LIMS1: variants seen among roughly 807,000 people sequenced by gnomAD.
The protein encoded by LIMS1 is LIM and senescent cell antigen-like-containing domain protein 1.
Under a neutral mutation model 44.1 loss-of-function variants are expected in LIMS1, and 18 were observed. The observed-to-expected ratio is 0.41, with a 90% CI of 0.28 to 0.61. The LOEUF is 0.61. LIMS1 is among the 20% of genes least tolerant of loss of function. LIMS1 has a pLI of 0.32. For missense variants in LIMS1, 201 were observed against 422.0 expected (o/e 0.48, Z 4.59); for synonymous variants, 93 against 149.1 (o/e 0.62, Z 2.74).
chr2:108,610,437 TTTTTC>T (rs1393763426), intron 1 of LIMS1, among the ~76,000 whole-genome samples: 4 of 152,136 alleles, frequency 2.6e-5, no homozygotes, highest in East Asian at 1.9e-4. Flanking sequence ...CACATATTCT[TTTTTC>T]TTTTCTTTTC....
chr2:108,585,150 C>CAAAAAA (rs35679577), intron 1 of LIMS1, among the ~76,000 whole-genome samples: 1 of 69,360 alleles, frequency 1.4e-5, no homozygotes, highest in Non-Finnish European at 2.7e-5. Context: ...GACTCCGTCT[C>CAAAAAA]AAAAAAAAAA....
At chr2:108,621,327 T>C in intron 1 of LIMS1, 3 of 1,549,804 alleles carry the variant, frequency 1.9e-6, no homozygotes, top group Non-Finnish European at 2.6e-6. Context: ...TGCTTTAAAG[T>C]GTCAGCAATT....
intron 1 of LIMS1, among the ~76,000 whole-genome samples, chr2:108,652,577 G>A: frequency 6.6e-6 from 1 of 152,252 alleles, no homozygotes. Context: ...TGAAAGAGAA[G>A]TCTGTGGTGA....
At chr2:108,542,866 G>T (rs577516172) in intron 1 of LIMS1, among the ~76,000 whole-genome samples, 14 of 152,344 alleles carry the variant, frequency 9.2e-5, no homozygotes, top group African/African-American at 3.4e-4. Context: ...CATTGGGTAA[G>T]ATTCAGTTCT....
chr2:108,639,921 A>T (rs895109899), intron 1 of LIMS1, among the ~76,000 whole-genome samples: 1 of 152,270 alleles, frequency 6.6e-6, no homozygotes, highest in African/African-American at 2.4e-5. Flanking sequence ...AAAACAGTAC[A>T]GTTCAGTGAT....
chr2:108,551,239 A>G (rs930584854), intron 1 of LIMS1, among the ~76,000 whole-genome samples: 1 of 150,716 alleles, frequency 6.6e-6, no homozygotes, highest in African/African-American at 2.4e-5. Flanking sequence ...TTGCACAACC[A>G]TTACAACAAT....
chr2:108,575,117 G>A (rs1162530990), intron 1 of LIMS1, among the ~76,000 whole-genome samples: 1 of 152,028 alleles, frequency 6.6e-6, no homozygotes, highest in Non-Finnish European at 1.5e-5. Context: ...TTAGTAACAC[G>A]CCTCAACACT....
intron 1 of LIMS1, among the ~76,000 whole-genome samples, 198 bp from the exon 2 acceptor site, chr2:108,659,407 G>C (rs1691167208): frequency 6.6e-6 from 1 of 152,194 alleles, no homozygotes; most frequent in Non-Finnish European, 1.5e-5. Context: ...CACCCTTACA[G>C]AGCCTCAGAT....
intron 1 of LIMS1, among the ~76,000 whole-genome samples, chr2:108,615,396 G>A (rs1573454990): frequency 6.6e-6 from 1 of 152,170 alleles, no homozygotes. Context: ...GCAAGCTTCT[G>A]TCTGTGTTCC....
At chr2:108,676,576 CA>C in intron 6 of LIMS1, 29 bp from the exon 7 acceptor site, 2 of 1,543,126 alleles carry the variant, frequency 1.3e-6, no homozygotes, top group Non-Finnish European at 1.7e-6. Flanking sequence ...TATGGCAATT[CA>C]AAAATGACCT....
chr2:108,535,382 C>G (rs1196052077), intron 1 of LIMS1, among the ~76,000 whole-genome samples: 1 of 152,232 alleles, frequency 6.6e-6, no homozygotes, highest in African/African-American at 2.4e-5. Flanking sequence ...AAGCTACTGT[C>G]AGCGGACTTT....
intron 1 of LIMS1, among the ~76,000 whole-genome samples, chr2:108,551,491 GCACA>G (rs67589132): frequency 0.23 from 25,891 of 114,584 alleles, 2,984 homozygotes; most frequent in Middle Eastern, 0.4. Context: ...GCGCGCGCGC[GCACA>G]CACACACACA....
intron 1 of LIMS1, chr2:108,621,215 C>T (rs1448187453): frequency 7.0e-7 from 1 of 1,430,766 alleles, no homozygotes; most frequent in African/African-American, 1.4e-5. Context: ...TGTGCTTCAG[C>T]AGCTTGGTCT....
At chr2:108,637,587 C>T (rs556151921) in intron 1 of LIMS1, among the ~76,000 whole-genome samples, 1 of 152,302 alleles carries the variant, frequency 6.6e-6, no homozygotes, top group South Asian at 2.1e-4. Context: ...TCTGGGCGTT[C>T]TCCTAAGTCA....
chr2:108,564,041 CAAAAAAAAAA>C (rs201454363), intron 1 of LIMS1, among the ~76,000 whole-genome samples: 7 of 92,404 alleles, frequency 7.6e-5, no homozygotes, highest in Non-Finnish European at 1.5e-4. Context: ...GACCCTGTCT[CAAAAAAAAAA>C]AAAAAAAAAA....
chr2:108,590,164 A>G (rs978239080), intron 1 of LIMS1, among the ~76,000 whole-genome samples: 3 of 152,258 alleles, frequency 2.0e-5, no homozygotes, highest in African/African-American at 7.2e-5. Flanking sequence ...CATTGATTTT[A>G]CAGTTAACCT....
At chr2:108,637,902 C>G (rs949155561) in intron 1 of LIMS1, among the ~76,000 whole-genome samples, 3 of 150,676 alleles carry the variant, frequency 2.0e-5, no homozygotes, top group African/African-American at 4.9e-5. Context: ...CGCTGTGTCT[C>G]CCAGGCCGGA....
intron 1 of LIMS1, among the ~76,000 whole-genome samples, chr2:108,555,320 T>C (rs1274540969): frequency 6.6e-6 from 1 of 152,134 alleles, no homozygotes; most frequent in African/African-American, 2.4e-5. Flanking sequence ...GGGATCAGTC[T>C]TGAGGTGAGT....
chr2:108,556,754 C>T (rs1331403747), intron 1 of LIMS1, among the ~76,000 whole-genome samples: 1 of 152,202 alleles, frequency 6.6e-6, no homozygotes. Flanking sequence ...ACAACTGCGT[C>T]TGCTGCCCAG....
Sources: allele counts gnomAD v4.1 joint callset (sites outside exome capture counted in the v4.1 genomes callset), GRCh38; gene constraint gnomAD v4.1.1; transcripts MANE v1.5; gene names NCBI Gene and HGNC (gene_info 2026-07-23, HGNC 2026-07-21).